DPP6: variants seen among roughly 807,000 people sequenced by gnomAD.
DPP6 encodes the protein A-type potassium channel modulatory protein DPP6.
Under a neutral mutation model 122.6 loss-of-function variants are expected in DPP6, and 69 were observed. The observed-to-expected ratio is 0.56, with a 90% CI of 0.46 to 0.69. The LOEUF (loss-of-function observed/expected upper bound fraction) is 0.69. Ranked by LOEUF, DPP6 falls within the 30% of genes least tolerant of loss-of-function variation. The pLI is 0.00. For missense variants in DPP6, 928 were observed against 1,116.9 expected (o/e 0.83, Z 2.41); for synonymous variants, 418 against 433.1 (o/e 0.97, Z 0.43).
At chr7:154,535,385 G>T (rs201129846) in intron 3 of DPP6, among the ~76,000 whole-genome samples, 5,686 of 66,858 alleles carry the variant, frequency 0.085, 129 homozygotes, top group South Asian at 0.12. Context: ...ATTCACTTTA[G>T]ATTTTTTTTT....
chr7:154,372,505 C>G (rs902745683), intron 1 of DPP6, among the ~76,000 whole-genome samples: 4 of 152,314 alleles, frequency 2.6e-5, no homozygotes, highest in Admixed American at 2.6e-4. Flanking sequence ...AGACTGGGGT[C>G]GCCCTGGATG....
At chr7:154,227,230 A>ACACACACACACACACACACACACACACAC (rs1205135212) in intron 1 of DPP6, among the ~76,000 whole-genome samples, 1 of 151,418 alleles carries the variant, frequency 6.6e-6, no homozygotes, top group South Asian at 2.1e-4. Flanking sequence ...ACACACACAC[A>ACACACACACACACACACACACACACACAC]CCCCTAGGAA....
intron 5 of DPP6, among the ~76,000 whole-genome samples, chr7:154,578,500 TTCGGGCTTGGCAGGGGCTA>T (rs1831831252): frequency 6.7e-4 from 1 of 1,482 alleles, no homozygotes; most frequent in African/African-American, 2.0e-3. Context: ...GCAGGGGCTA[TTCGGGCTTGGCAGGGGCTA>T]TTCGGGCTTG....
intron 1 of DPP6, among the ~76,000 whole-genome samples, chr7:154,299,266 A>G (rs1055181206): frequency 2.0e-5 from 3 of 152,214 alleles, no homozygotes; most frequent in Admixed American, 6.5e-5. Flanking sequence ...CAGACCCAGC[A>G]GCTTCCAGGG....
In DPP6 at chr7:154,348,278, C is replaced by T. The variant is rs548914038; in HGVS notation, c.244-97936C>T. 8.9e-4 allele frequency among the ~76,000 whole-genome samples: 136 copies of T among 152,248 alleles called. 1 individual carries two copies. Among genetic ancestry groups the T allele is most frequent in the African/African-American group, 3.1e-3 (129 of 41,532 alleles). On this transcript the variant is annotated intron_variant, in intron 1 of 25. Coordinates refer to ENST00000377770, the MANE Select transcript of DPP6 (RefSeq NM_130797.4). ...TCTATTCTTGAAATAGAGAGGTTTTCGTTACTTAAGTGGCAGACTTACTGA... is the reference window on the plus strand; with the variant it reads ...TCTATTCTTGAAATAGAGAGGTTTTTGTTACTTAAGTGGCAGACTTACTGA...
At chr7:154,032,837 C>A (rs1480993854) in intron 1 of DPP6, among the ~76,000 whole-genome samples, 1 of 150,486 alleles carries the variant, frequency 6.6e-6, no homozygotes, top group Non-Finnish European at 1.5e-5. Context: ...TGTGTCCGCA[C>A]CCCCCACCGA....
chr7:154,405,682 G>C (rs548623897), intron 1 of DPP6, among the ~76,000 whole-genome samples: 3 of 152,244 alleles, frequency 2.0e-5, no homozygotes, highest in African/African-American at 7.2e-5. Context: ...TGCTCAGGGG[G>C]TGGACAGAGA....
At position 154,064,688 on chromosome 7, in the gene DPP6, C is replaced by T. The variant is rs144400459; in HGVS notation, c.243+11625C>T. ...GTGGGTGTTAATCTCAAGCAGATAG[C>T]AAAGGTAGTTTCTGCTCTAAGCTCA... On this transcript the variant is annotated intron_variant, in intron 1 of 25. Coordinates refer to ENST00000377770, the MANE Select transcript of DPP6 (RefSeq NM_130797.4). Among the ~76,000 whole-genome samples the T allele has an allele frequency of 2.9e-3, 443 of 152,212 alleles. 3 individuals are homozygous for T. The highest frequency in any genetic ancestry group is 9.7e-3 in the African/African-American group (404 of 41,528).
chr7:154,451,640 A>T (rs974347025), intron 2 of DPP6, among the ~76,000 whole-genome samples: 1 of 152,176 alleles, frequency 6.6e-6, no homozygotes, highest in Non-Finnish European at 1.5e-5. Flanking sequence ...TAAACAGAGG[A>T]TGCAGTTGCT....
chr7:154,600,010 C>CT (rs1445093077), intron 5 of DPP6, among the ~76,000 whole-genome samples: 2 of 152,194 alleles, frequency 1.3e-5, no homozygotes, highest in African/African-American at 4.8e-5. Context: ...CTTCATAAAA[C>CT]TTTCTCATGG....
intron 8 of DPP6, among the ~76,000 whole-genome samples, chr7:154,761,852 A>C (rs1162439227): frequency 6.6e-6 from 1 of 151,750 alleles, no homozygotes; most frequent in Non-Finnish European, 1.5e-5. Flanking sequence ...CCCTTCCCCC[A>C]CCCCATGACA....
At chr7:153,817,255 G>A in the DPP6 span, among the ~76,000 whole-genome samples, 241 of 148,392 alleles carry the variant, frequency 1.6e-3, 1 homozygote, top group Non-Finnish European at 2.9e-3. Flanking sequence ...TGGTCACCAG[G>A]CAGCAGGTGC....
At chr7:153,859,726 C>T in the DPP6 span, among the ~76,000 whole-genome samples, 1 of 151,456 alleles carries the variant, frequency 6.6e-6, no homozygotes, top group Non-Finnish European at 1.5e-5. Flanking sequence ...GTTTAATTGA[C>T]TCACAGTTCT....
intron 8 of DPP6, among the ~76,000 whole-genome samples, chr7:154,750,525 C>T (rs1402449682): frequency 1.3e-5 from 2 of 152,166 alleles, no homozygotes; most frequent in African/African-American, 2.4e-5. Context: ...CCTCCCACGG[C>T]GGGGGCGCTC....
chr7:153,765,962 G>A, the DPP6 span, among the ~76,000 whole-genome samples: 1 of 152,154 alleles, frequency 6.6e-6, no homozygotes, highest in Non-Finnish European at 1.5e-5. Context: ...GATTGAGTAG[G>A]TCTAGGGTGG....
intron 5 of DPP6, among the ~76,000 whole-genome samples, chr7:154,609,205 C>T (rs992292393): frequency 6.6e-6 from 1 of 152,146 alleles, no homozygotes; most frequent in African/African-American, 2.4e-5. Context: ...ATGTTGTATC[C>T]ATGTGTACGT....
intron 1 of DPP6, among the ~76,000 whole-genome samples, chr7:154,195,250 T>C (rs1214561591): frequency 5.3e-5 from 8 of 152,356 alleles, no homozygotes; most frequent in Admixed American, 6.5e-5. Flanking sequence ...CCTTGAAATA[T>C]GGCAGTAACA....
At chr7:154,656,933 G>A (rs10262390) in intron 6 of DPP6, among the ~76,000 whole-genome samples, 902 of 27,358 alleles carry the variant, frequency 0.033, 259 homozygotes, top group Non-Finnish European at 0.066. Context: ...GTGGGAGGAG[G>A]TGCTCATGGG....
the DPP6 span, among the ~76,000 whole-genome samples, chr7:153,876,851 C>G: frequency 2.8e-4 from 43 of 151,900 alleles, no homozygotes; most frequent in Non-Finnish European, 5.6e-4. Context: ...TTTACTGTAC[C>G]TTTTCTATGT....
Sources: allele counts gnomAD v4.1 joint callset (sites outside exome capture counted in the v4.1 genomes callset), GRCh38; gene constraint gnomAD v4.1.1; transcripts MANE v1.5; gene names NCBI Gene and HGNC (gene_info 2026-07-23, HGNC 2026-07-21).